IL7: variants seen among roughly 807,000 people sequenced by gnomAD.
The protein encoded by IL7 is interleukin-7.
IL7 carries 3 observed loss-of-function variants against 21.6 expected under a neutral mutation model. That is an observed-to-expected ratio of 0.14 (90% CI 0.06 to 0.36). The LOEUF (loss-of-function observed/expected upper bound fraction) is 0.36, where lower values mean the gene tolerates loss of function less well. Ranked by LOEUF, IL7 falls within the 10% of genes least tolerant of loss-of-function variation. The probability of loss-of-function intolerance (pLI) is 1.00; values close to 1 mark genes in which losing one functional copy is unlikely to be tolerated. For synonymous variants in IL7, 62 were observed against 68.1 expected (o/e 0.91, Z 0.44); for missense variants, 175 against 200.2 (o/e 0.87, Z 0.76).
intron 2 of IL7, among the ~76,000 whole-genome samples, chr8:78,780,146 T>C (rs182647874): frequency 6.6e-6 from 1 of 152,250 alleles, no homozygotes; most frequent in East Asian, 1.9e-4. Context: ...TTAGTCTAAC[T>C]AGCAGTCTGT....
intron 2 of IL7, chr8:78,761,357 G>A (rs1489932689): frequency 3.1e-6 from 5 of 1,611,916 alleles, no homozygotes; most frequent in Non-Finnish European, 4.2e-6. Context: ...AGAGCAGAGT[G>A]TGTAGATAGC....
chr8:78,740,924 T>C (rs1005846645), intron 2 of IL7, among the ~76,000 whole-genome samples: 2 of 152,140 alleles, frequency 1.3e-5, no homozygotes, highest in African/African-American at 4.8e-5. Context: ...TCTAAATCAA[T>C]AATTTAGTTG....
rs111666289 is a variant in IL7 at position 78,698,320 on chromosome 8, G to A, written n.215-12373C>T. On this transcript the variant is annotated intron_variant and non_coding_transcript_variant, in intron 3 of 4. Transcript: ENST00000523959. ...TGAAAACTTGATTTATAGTTGCAAA[G>A]ATTATTACTAAAGCATTGTTTCCTT... is the stretch of plus-strand genomic sequence containing the variant. 3 of 1,049,432 alleles carry A rather than the reference G, an allele frequency of 2.9e-6. No homozygotes were observed. The African/African-American group carries it at 4.9e-5, about 17-fold the overall frequency. 65.0% of individuals were successfully genotyped at this position (1,049,432 alleles called of 1,614,324 possible). A position where few individuals can be genotyped will look rare whatever the true frequency, so the allele number is the denominator to read the frequency against.
At chr8:78,791,158 T>C (rs1028505012) in intron 2 of IL7, among the ~76,000 whole-genome samples, 5 of 152,146 alleles carry the variant, frequency 3.3e-5, no homozygotes, top group Non-Finnish European at 7.4e-5. Context: ...ATTTGTGGCT[T>C]TATAGGAAAA....
chr8:78,790,566 A>C (rs925631340), intron 2 of IL7, among the ~76,000 whole-genome samples: 18 of 152,292 alleles, frequency 1.2e-4, no homozygotes, highest in Admixed American at 1.1e-3. Context: ...TGAGATACAA[A>C]GATGACTCAA....
At chr8:78,700,903 T>TCAAATCC (rs1163944722) in intron 3 of IL7, among the ~76,000 whole-genome samples, 2 of 152,206 alleles carry the variant, frequency 1.3e-5, no homozygotes, top group Admixed American at 1.3e-4. Flanking sequence ...AGCCCTGTAG[T>TCAAATCC]ATAGCTGGAA....
rs555041972 is a variant in IL7 at position 78,784,119 on chromosome 8, C to T, written c.147+13953G>A. 3.3e-5 allele frequency among the ~76,000 whole-genome samples: 5 copies of T among 152,288 alleles called. No homozygotes were observed. In the South Asian group the frequency reaches 1.0e-3, roughly 32 times the overall value. The stretch of plus-strand genomic sequence containing the variant: ...ATTCATATGTTGAAATCCTAACCCC[C>T]AATGTGTTGTCGTTAGAAAGTGAGG... On this transcript the variant is annotated intron_variant, in intron 2 of 5. Transcript: ENST00000263851.
At chr8:78,789,942 A>G (rs570765965) in intron 2 of IL7, among the ~76,000 whole-genome samples, 1 of 152,164 alleles carries the variant, frequency 6.6e-6, no homozygotes, top group African/African-American at 2.4e-5. Context: ...GAGGTGCCAT[A>G]GTACATCTGG....
At chr8:78,691,065 T>G (rs541014079) in intron 3 of IL7, among the ~76,000 whole-genome samples, 2 of 152,282 alleles carry the variant, frequency 1.3e-5, no homozygotes, top group East Asian at 3.9e-4. Flanking sequence ...CTTTTGGCTT[T>G]TATTTCTTTT....
At position 78,736,045 on chromosome 8, in the gene IL7, C is replaced by A. The variant is rs535294620; in HGVS notation, c.414+429G>T. Among the ~76,000 whole-genome samples, 16 of 149,620 alleles carry A rather than the reference C, an allele frequency of 1.1e-4. No individual in the cohort carries two copies. The East Asian group carries it at 2.4e-3, about 22-fold the overall frequency. ...ACTATTATATATTATTTATACTGTA[C>A]AATCTACACTAATAAAAGAGGTATA... On this transcript the variant is annotated intron_variant, in intron 5 of 5. Transcript: ENST00000263851.
rs142338621 is a variant in IL7 at position 78,679,934 on chromosome 8, G to A, written n.274-3830C>T. On this transcript the variant is annotated intron_variant and non_coding_transcript_variant, in intron 4 of 4. Coordinates refer to the IL7 transcript ENST00000523959. ...GCCTATATTAGCTTTAATTTGCTTC[G>A]GTAGATAAAATTGCCAAATCTTTGG... Among the ~76,000 whole-genome samples the A allele has an allele frequency of 6.6e-5, 10 of 152,130 alleles. No homozygotes were observed. In the East Asian group the frequency reaches 1.2e-3, roughly 18 times the overall value.
At chr8:78,743,697 A>C (rs1201886492) in intron 2 of IL7, among the ~76,000 whole-genome samples, 2 of 151,980 alleles carry the variant, frequency 1.3e-5, no homozygotes, top group Non-Finnish European at 2.9e-5. Context: ...TGGAGGAAAG[A>C]GGGCACTCAG....
At chr8:78,774,467 C>T (rs1813065962) in intron 2 of IL7, among the ~76,000 whole-genome samples, 1 of 152,112 alleles carries the variant, frequency 6.6e-6, no homozygotes, top group Non-Finnish European at 1.5e-5. Flanking sequence ...ACATATACTA[C>T]TAATTAACAA....
intron 3 of IL7, chr8:78,686,345 C>T: frequency 1.2e-6 from 1 of 824,248 alleles, no homozygotes; most frequent in Non-Finnish European, 1.6e-6. Context: ...AGAAGGATAT[C>T]ATTTAAGGAC....
chr8:78,692,826 C>A (rs1020531941), intron 3 of IL7, among the ~76,000 whole-genome samples: 2 of 152,078 alleles, frequency 1.3e-5, no homozygotes, highest in Non-Finnish European at 2.9e-5. Flanking sequence ...TGGTGTGCTG[C>A]ACCCATTAAC....
chr8:78,775,856 C>T (rs1813120190), intron 2 of IL7, among the ~76,000 whole-genome samples: 1 of 151,922 alleles, frequency 6.6e-6, no homozygotes, highest in South Asian at 2.1e-4. Context: ...CTTCACTGGA[C>T]CTCTGTGTAA....
chr8:78,752,642 C>T (rs2919924), intron 2 of IL7, among the ~76,000 whole-genome samples: 5,374 of 152,140 alleles, frequency 0.035, 137 homozygotes, highest in African/African-American at 0.075. Context: ...GGATACAGAA[C>T]GTGCAGGCTT....
intron 3 of IL7, chr8:78,697,261 A>G (rs1810452050): frequency 3.2e-6 from 2 of 616,088 alleles, no homozygotes; most frequent in Non-Finnish European, 5.5e-6. Flanking sequence ...AATGATGTGC[A>G]ACCATCATCA....
intron 3 of IL7, among the ~76,000 whole-genome samples, chr8:78,694,788 A>G (rs1810345669): frequency 6.6e-6 from 1 of 152,210 alleles, no homozygotes; most frequent in Admixed American, 6.5e-5. Flanking sequence ...AATGTATGAG[A>G]TTTGTGAGCA....
Sources: gnomAD v4.1 joint callset for allele counts (sites outside exome capture counted in the v4.1 genomes callset) on GRCh38, gnomAD v4.1.1 for gene constraint, MANE v1.5 for transcripts, NCBI Gene and HGNC (gene_info 2026-07-23, HGNC 2026-07-21) for gene names.